The following TANC2 variants were observed in gnomAD, a reference collection of about 807,000 sequenced individuals.
TANC2 encodes the protein protein TANC2.
In TANC2, 26 loss-of-function variants were observed where a neutral mutation model predicts 210.5. The observed-to-expected ratio is 0.12, with a 90% CI of 0.09 to 0.17. The LOEUF (loss-of-function observed/expected upper bound fraction) is 0.17. Ranked by LOEUF, TANC2 falls within the 10% of genes least tolerant of loss-of-function variation. The pLI, the probability that TANC2 is intolerant of heterozygous loss-of-function variation, is 1.00. For synonymous variants in TANC2, 931 were observed against 967.1 expected (o/e 0.96, Z 0.69); for missense variants, 2,129 against 2,608.9 (o/e 0.82, Z 4.01).
chr17:63,247,852 A>G (rs2042959167), intron 8 of TANC2, among the ~76,000 whole-genome samples: 1 of 152,140 alleles, frequency 6.6e-6, no homozygotes, highest in Admixed American at 6.5e-5. Context: ...ACTTTGGCCT[A>G]CAGGGCAAGT....
At chr17:62,983,018 G>T (rs2032380277) in intron 1 of TANC2, among the ~76,000 whole-genome samples, 1 of 152,104 alleles carries the variant, frequency 6.6e-6, no homozygotes, top group African/African-American at 2.4e-5. Context: ...TGGTATTTTG[G>T]TAGGGATTCT....
chr17:63,264,992 CA>C (rs1174665247), intron 8 of TANC2, among the ~76,000 whole-genome samples: 1 of 152,116 alleles, frequency 6.6e-6, no homozygotes, highest in Non-Finnish European at 1.5e-5. Flanking sequence ...CTCCTGTTGC[CA>C]ACATCACTCC....
chr17:63,055,982 AAAAAAAAAAT>A lies in TANC2; in HGVS notation c.68-17959_68-17950del, dbSNP rs1307576886. On this transcript the variant is annotated intron_variant, in intron 2 of 27. Transcript: ENST00000689528. ...ATCTCTACCAAAAAAAAAAAAAAAAAAAAAAAAAATATATATATATATATATATATATATA... is the reference window on the plus strand; with the variant it reads ...ATCTCTACCAAAAAAAAAAAAAAAAAATATATATATATATATATATATATA... Among the ~76,000 whole-genome samples, 6 of 34,546 alleles carry A rather than the reference AAAAAAAAAAT, an allele frequency of 1.7e-4. No individual in the cohort carries two copies. The Admixed American group carries it at 2.0e-3, about 12-fold the overall frequency. The allele number at this position is 34,546 out of a possible 152,430, so 22.7% of individuals were successfully genotyped here.
chr17:63,379,825 A>G, exon 15 of TANC2: 1 of 1,609,530 alleles, frequency 6.2e-7, no homozygotes, highest in Non-Finnish European at 8.5e-7. Context: ...CACATTTTTA[A>G]GGTAATTAAA....
intron 11 of TANC2, chr17:63,339,109 T>A (rs2046138772): frequency 6.6e-6 from 1 of 152,184 alleles, no homozygotes; most frequent in Admixed American, 6.6e-5. Context: ...TCCTTAAGAA[T>A]GATGGCAGTG....
chr17:62,983,262 T>TAG (rs1299549877), intron 1 of TANC2, among the ~76,000 whole-genome samples: 23 of 152,140 alleles, frequency 1.5e-4, no homozygotes, highest in African/African-American at 5.1e-4. Context: ...TGTTTGTGTA[T>TAG]AGAGTACTAC....
intron 11 of TANC2, among the ~76,000 whole-genome samples, chr17:63,328,315 G>C (rs1201822075): frequency 6.6e-6 from 1 of 151,824 alleles, no homozygotes; most frequent in East Asian, 1.9e-4. Context: ...TGTACTTTCT[G>C]AACCTAAAAT....
chr17:63,411,931 A>C (rs2048715666), intron 22 of TANC2, 67 bp from the exon 23 acceptor site: 2 of 1,582,688 alleles, frequency 1.3e-6, no homozygotes, highest in Non-Finnish European at 1.7e-6. Flanking sequence ...CAGCAGCCAG[A>C]GCCCTCGGTG....
At chr17:63,083,967 G>GT (rs757361042) in intron 3 of TANC2, among the ~76,000 whole-genome samples, 28 of 152,136 alleles carry the variant, frequency 1.8e-4, no homozygotes, top group South Asian at 8.3e-4. Context: ...TATCTGTCTG[G>GT]TTTTCATATT....
At position 63,411,582 on chromosome 17, in the gene TANC2, T is replaced by C. The variant is rs77573295; in HGVS notation, c.3661T>C (p.Ser1221Pro). 7.6e-4 allele frequency: 1,225 copies of C among 1,613,966 alleles called. 29 individuals carry two copies. In the East Asian group the frequency reaches 0.022, roughly 28 times the overall value. Reference sequence around the variant, plus strand: ...CTGGGCTTGTTTGAAGGGCCATCTCTCAGTAGTACGTTCTCTGGTGGATAA... The same window carrying C: ...CTGGGCTTGTTTGAAGGGCCATCTCCCAGTAGTACGTTCTCTGGTGGATAA... Residue 1221 changes from serine (S) to proline (P), a missense_variant, in exon 22 of 28, where the codon TCA becomes CCA. Physicochemically the swap from Ser to Pro is moderately conservative, Grantham distance 74. Around this residue, in one of 5 missense-constraint regions of TANC2, gnomAD observed 644 missense variants for 937.5 expected, o/e 0.69. Coordinates refer to ENST00000689528, the Ensembl canonical transcript of TANC2.
intron 3 of TANC2, among the ~76,000 whole-genome samples, chr17:63,093,825 G>A (rs969571914): frequency 1.3e-5 from 2 of 151,932 alleles, no homozygotes; most frequent in Admixed American, 1.3e-4. Flanking sequence ...TGTTGCTCAG[G>A]CTGGTCTTAA....
chr17:63,187,579 G>T (rs1355150685), intron 5 of TANC2, among the ~76,000 whole-genome samples: 1 of 151,924 alleles, frequency 6.6e-6, no homozygotes, highest in Non-Finnish European at 1.5e-5. Flanking sequence ...ATATGTGTGT[G>T]TTTGTGTATA....
At chr17:63,076,578 A>G (rs1033373123) in intron 3 of TANC2, among the ~76,000 whole-genome samples, 1 of 152,198 alleles carries the variant, frequency 6.6e-6, no homozygotes, top group Non-Finnish European at 1.5e-5. Context: ...GCTAACAAAG[A>G]TGAGTAGATA....
chr17:63,305,929 G>A (rs1041018229), intron 9 of TANC2, among the ~76,000 whole-genome samples: 2 of 152,202 alleles, frequency 1.3e-5, no homozygotes, highest in African/African-American at 4.8e-5. Context: ...GTGGCAGGGT[G>A]TGAGGCGTGG....
chr17:63,311,640 TATAGCCAAGAGGA>T (rs1173710912), intron 9 of TANC2, among the ~76,000 whole-genome samples: 3 of 152,196 alleles, frequency 2.0e-5, no homozygotes, highest in Non-Finnish European at 4.4e-5. Flanking sequence ...CTCCTAGATA[TATAGCCAAGAGGA>T]TTGAAAACAT....
intron 12 of TANC2, among the ~76,000 whole-genome samples, chr17:63,346,488 A>G (rs1458188715): frequency 3.3e-5 from 5 of 152,224 alleles, no homozygotes; most frequent in African/African-American, 4.8e-5. Flanking sequence ...CTACAAGCAC[A>G]TGAAGAAGTG....
In TANC2 at chr17:63,373,734, AG is replaced by A. The variant is rs1486422069; in HGVS notation, c.2583-5983del. On this transcript the variant is annotated intron_variant, in intron 14 of 27. Transcript: ENST00000689528. Reference sequence around the variant, plus strand: ...AGTGACTCAGGCCTGTAATCCCAACAGTTTGGGAGGCCAAGCCGGGCAGATA... The same window carrying A: ...AGTGACTCAGGCCTGTAATCCCAACATTTGGGAGGCCAAGCCGGGCAGATA... Among the ~76,000 whole-genome samples, 3 of 152,208 alleles carry A rather than the reference AG, an allele frequency of 2.0e-5. No individual in the cohort carries two copies. The East Asian group carries it at 5.8e-4, about 29-fold the overall frequency.
rs1485825574 is a variant in TANC2 at position 63,102,175 on chromosome 17, A to G, written c.322+2818A>G. ...AAACAAAATAGCTGGGTGTCATGGC[A>G]TGCCACCCATATGTAGTCCTAGCTA... On this transcript the variant is annotated intron_variant, in intron 4 of 27. Transcript: ENST00000689528. Among the ~76,000 whole-genome samples the G allele has an allele frequency of 5.3e-5, 8 of 152,222 alleles. No individual in the cohort carries two copies. The East Asian group carries it at 1.5e-3, about 29-fold the overall frequency.
intron 8 of TANC2, among the ~76,000 whole-genome samples, chr17:63,248,166 G>T (rs2146131792): frequency 6.6e-6 from 1 of 152,160 alleles, no homozygotes; most frequent in Admixed American, 6.5e-5. Context: ...AGGAGGGTCT[G>T]CTCTTTTCAT....
Sources: gnomAD v4.1 joint callset for allele counts (sites outside exome capture counted in the v4.1 genomes callset) on GRCh38, gnomAD v4.1.1 for gene constraint, gnomAD v4.1.1 regional missense constraint, MANE v1.5 for transcripts, NCBI Gene and HGNC (gene_info 2026-07-23, HGNC 2026-07-21) for gene names.